The following ABCA1 variants were observed in gnomAD, a reference collection of about 807,000 sequenced individuals.
The protein encoded by ABCA1 is phospholipid-transporting ATPase ABCA1.
In ABCA1, 133 loss-of-function variants were observed where a neutral mutation model predicts 262.5. The observed-to-expected ratio is 0.51, with a 90% CI of 0.44 to 0.59. The LOEUF is 0.59. Ranked by LOEUF, ABCA1 falls within the 20% of genes least tolerant of loss-of-function variation. The pLI is 0.00. For synonymous variants in ABCA1, 1,022 were observed against 1,043.5 expected (o/e 0.98, Z 0.40); for missense variants, 2,452 against 2,777.5 (o/e 0.88, Z 2.63).
At chr9:104,788,337 G>GC in intron 45 of ABCA1, 89 bp downstream of exon 45, 1 of 1,567,842 alleles carries the variant, frequency 6.4e-7, no homozygotes. Context: ...AGGAAAAACA[G>GC]CCTGAAGTCA....
chr9:104,911,088 T>C (rs1268890464), intron 1 of ABCA1, among the ~76,000 whole-genome samples: 1 of 152,172 alleles, frequency 6.6e-6, no homozygotes, highest in Non-Finnish European at 1.5e-5. Context: ...TGTTATATAT[T>C]TACAGTGTTC....
Position 104,817,122 on chromosome 9 carries a change from C to T in ABCA1, c.3535+210G>A. 1 of 776,650 alleles carries T rather than the reference C, an allele frequency of 1.3e-6. No homozygotes were observed. The highest frequency in any genetic ancestry group is 1.6e-6 in the Non-Finnish European group (1 of 639,468). The allele number at this position is 776,650 out of a possible 1,614,324, so 48.1% of individuals were successfully genotyped here. A position where few individuals can be genotyped will look rare whatever the true frequency, so the allele number is the denominator to read the frequency against. The stretch of plus-strand genomic sequence containing the variant: ...CTCAGCTCTCTGGGACACTGCCCTG[C>T]TAGCTCCCAAACCGAGCCCCAGGCA... On this transcript the variant is annotated intron_variant, in intron 24 of 49. Coordinates refer to ENST00000374736, the MANE Select transcript of ABCA1 (RefSeq NM_005502.4). The surrounding 1 kb of genome is among the most constrained non-coding windows in gnomAD (Gnocchi z 4.7).
chr9:104,839,679 T>C (rs1438302717), intron 9 of ABCA1, among the ~76,000 whole-genome samples: 2 of 152,154 alleles, frequency 1.3e-5, no homozygotes, highest in South Asian at 2.1e-4. Context: ...ATTGTATATA[T>C]TTAAGGTATA....
At chr9:104,861,303 A>C in intron 6 of ABCA1, 1 of 355,302 alleles carries the variant, frequency 2.8e-6, no homozygotes, top group East Asian at 5.9e-5. Context: ...CCTGTCCTCA[A>C]TTTTTTAGAC....
intron 30 of ABCA1, among the ~76,000 whole-genome samples, chr9:104,807,371 G>A (rs995881248): frequency 2.6e-5 from 4 of 152,160 alleles, no homozygotes; most frequent in Admixed American, 2.0e-4. Flanking sequence ...GACATCAGCA[G>A]GTCCCCTGCT....
chr9:104,818,739 G>A lies in ABCA1; in HGVS notation c.3386C>T (p.Thr1129Ile). 1 of 1,613,876 alleles carries A rather than the reference G, an allele frequency of 6.2e-7. No homozygotes were observed. The highest frequency in any genetic ancestry group is 8.5e-7 in the Non-Finnish European group (1 of 1,180,038). The change falls in exon 23 of 50, where the codon ACC (threonine) becomes ATC (isoleucine). Residue 1129 changes from threonine to isoleucine, a missense_variant. Physicochemically the swap from Thr to Ile is moderately conservative, Grantham distance 89. Coordinates refer to ENST00000374736, the MANE Select transcript of ABCA1 (RefSeq NM_005502.4). ...GGATTCCACATCTTTCTTGACCAAG[G>A]TCAGGTAGTAGCCTGTTCCCAGCTG... ...KNQLGTGYYL[T>I]LVKKDVESSL...
intron 9 of ABCA1, 107 bp from the exon 10 acceptor site, chr9:104,837,674 C>T (rs772271396): frequency 9.2e-6 from 12 of 1,301,652 alleles, no homozygotes; most frequent in Non-Finnish European, 1.3e-5. Flanking sequence ...CCAGCTCTAC[C>T]ACTACTAGTC....
At position 104,784,069 on chromosome 9, in the gene ABCA1, G is replaced by A; in HGVS notation, c.*246C>T. On this transcript the variant is annotated 3_prime_UTR_variant, in exon 50 of 50. Transcript: ENST00000374736. ...ATAATAGAGTTTCACATAGGTATAG[G>A]TAAAAAACTAAATTCAAGTCTTTCA... 2.0e-6 allele frequency: 1 copy of A among 499,910 alleles called. No homozygotes were observed. The highest frequency in any genetic ancestry group is 3.6e-6 in the Non-Finnish European group (1 of 278,324). The allele number at this position is 499,910 out of a possible 1,614,324, so 31.0% of individuals were successfully genotyped here.
Position 104,785,582 on chromosome 9 carries a change from C to A in ABCA1, c.6459G>T (p.Lys2153Asn). Reference protein sequence around the residue: ...VRIAGSNPDLKPVQDFFGLAF... With the variant: ...VRIAGSNPDLNPVQDFFGLAF... ...CAAGTCCAAAGAAATCCTGGACAGG[C>A]TTCAGGTCCGGGTTGGACCCTGCTA... Residue 2153 changes from lysine to asparagine, a missense_variant, in exon 49 of 50, where the codon AAG becomes AAT. By Grantham distance (94) the Lys-to-Asn change is moderately conservative. This residue lies in a region of ABCA1 where 752 missense variants were observed against 944.5 expected (regional missense o/e 0.80). Transcript: ENST00000374736. 6.2e-7 allele frequency: 1 copy of A among 1,614,150 alleles called. No individual in the cohort carries two copies. Among genetic ancestry groups the A allele is most frequent in the African/African-American group, 1.3e-5 (1 of 75,050 alleles).
chr9:104,920,883 C>A (rs901138385), intron 1 of ABCA1, among the ~76,000 whole-genome samples: 4 of 152,144 alleles, frequency 2.6e-5, no homozygotes, highest in African/African-American at 9.7e-5. Context: ...TTATATTATA[C>A]GGTTCACATT....
chr9:104,837,514 T>A lies in ABCA1; in HGVS notation c.1108A>T (p.Ile370Phe). The change falls in exon 10 of 50, where the codon ATT becomes TTT. Residue 370 changes from isoleucine (I) to phenylalanine (F), a missense_variant. Transcript: ENST00000374736. ...AGCGGCTTCAGAGCTTTCCAGATAA[T>A]GCGGGAAAGAGGACTAGACTCCAAA... ...KNLESSPLSR[I>F]IWKALKPLLV... 1.2e-6 allele frequency: 2 copies of A among 1,614,060 alleles called. No individual in the cohort carries two copies. The highest frequency in any genetic ancestry group is 1.7e-6 in the Non-Finnish European group (2 of 1,179,984).
At position 104,796,306 on chromosome 9, in the gene ABCA1, T is replaced by TA; in HGVS notation, c.5237+2dup. 6.2e-7 allele frequency: 1 copy of TA among 1,614,100 alleles called. No individual in the cohort carries two copies. The highest frequency in any genetic ancestry group is 1.1e-5 in the South Asian group (1 of 91,082). Reference sequence around the variant, plus strand: ...GCAGCTCCCTCACTCAGAGGTGACTTACCCATACAGCAAAAGTAGAAGGGC... The same window carrying TA: ...GCAGCTCCCTCACTCAGAGGTGACTTAACCCATACAGCAAAAGTAGAAGGGC... On this transcript the variant is annotated splice_region_variant and intron_variant, in intron 38 of 49. Transcript: ENST00000374736.
chr9:104,784,690 C>A (rs753118904), intron 49 of ABCA1, among the ~76,000 whole-genome samples: 1 of 152,196 alleles, frequency 6.6e-6, no homozygotes, highest in African/African-American at 2.4e-5. Context: ...TGTCCCCAGG[C>A]TGGAGTGCAG....
rs1008685693 is a variant in ABCA1 at position 104,894,699 on chromosome 9, C to T, written c.67-5504G>A. Among the ~76,000 whole-genome samples, 45 of 152,224 alleles carry T rather than the reference C, an allele frequency of 3.0e-4. 1 individual carries two copies. On this transcript the variant is annotated intron_variant, in intron 2 of 49. Coordinates refer to ENST00000374736, the MANE Select transcript of ABCA1 (RefSeq NM_005502.4). ...CATTATGGACCCCAACCTCCTTATG[C>T]ACTTTGCCTTCACTTACCAGAGCAT...
rs765494297 is a variant in ABCA1 at position 104,796,220 on chromosome 9, G to C, written c.5238-23C>G. On this transcript the variant is annotated intron_variant, in intron 38 of 49. Transcript: ENST00000374736. ...CACCTGTTGAGACACAAAAAGATAA[G>C]TGTCTACTGAGAGTCCCTGCCCTCC... is the stretch of plus-strand genomic sequence containing the variant. 3.1e-6 allele frequency: 5 copies of C among 1,614,156 alleles called. No homozygotes were observed. In the Admixed American group the frequency reaches 8.3e-5, roughly 27 times the overall value.
rs1999431 is a variant in ABCA1 at position 104,802,395 on chromosome 9, T to C, written c.4593-236A>G. ...TGGCCTGATTACACACACAGTTAGA[T>C]AGCTGAGACATTGAGGAAAGAATGG... On this transcript the variant is annotated intron_variant, in intron 33 of 49. Coordinates refer to ENST00000374736, the MANE Select transcript of ABCA1 (RefSeq NM_005502.4). Among the ~76,000 whole-genome samples, 12,885 of 152,262 alleles carry C rather than the reference T, an allele frequency of 0.085. 842 individuals carry two copies. The highest frequency in any genetic ancestry group is 0.17 in the African/African-American group (7,102 of 41,514).
intron 5 of ABCA1, among the ~76,000 whole-genome samples, chr9:104,875,084 T>C (rs1244267404): frequency 3.3e-5 from 5 of 151,818 alleles, no homozygotes; most frequent in African/African-American, 9.7e-5. Context: ...AGAAATCAGA[T>C]TGTTGCTGTG....
chr9:104,872,868 A>G (rs912481994), intron 5 of ABCA1, among the ~76,000 whole-genome samples: 1 of 152,240 alleles, frequency 6.6e-6, no homozygotes, highest in African/African-American at 2.4e-5. Flanking sequence ...GCAGTCTGAT[A>G]TTTGTGGGGA....
Position 104,806,207 on chromosome 9 carries a change from C to T in ABCA1, c.4464+34G>A, listed in dbSNP as rs766636038. ...GGAAGCTACCAGCCCATCCTGCACC[C>T]CTTCTGCCCAATCACCCCCTGAAAG... On this transcript the variant is annotated intron_variant, in intron 31 of 49. Coordinates refer to ENST00000374736, the MANE Select transcript of ABCA1 (RefSeq NM_005502.4). The T allele has an allele frequency of 4.4e-6, 7 of 1,606,476 alleles. No homozygotes were observed. In the Admixed American group the frequency reaches 6.7e-5, roughly 15 times the overall value.
Sources: gnomAD v4.1 joint callset for allele counts (sites outside exome capture counted in the v4.1 genomes callset) on GRCh38, gnomAD v4.1.1 for gene constraint, gnomAD v4.1.1 regional missense constraint, Gnocchi (gnomAD v3.1) non-coding constraint, MANE v1.5 for transcripts, NCBI Gene and HGNC (gene_info 2026-07-23, HGNC 2026-07-21) for gene names.